TRDN: variants seen among roughly 807,000 people sequenced by gnomAD.
The protein encoded by TRDN is triadin.
TRDN carries 161 observed loss-of-function variants against 149.7 expected under a neutral mutation model. The ratio of observed to expected loss-of-function variants is 1.08; its 90% CI spans 0.95 to 1.23. The LOEUF is 1.23. Among genes scored for constraint, TRDN ranks in the 50% most tolerant of loss-of-function variants. TRDN has a pLI of 0.00. For synonymous variants in TRDN, 294 were observed against 250.5 expected (o/e 1.17, Z -1.64); for missense variants, 896 against 823.5 (o/e 1.09, Z -1.08).
intron 1 of TRDN, among the ~76,000 whole-genome samples, chr6:123,634,941 C>G (rs1028761394): frequency 6.6e-6 from 1 of 151,798 alleles, no homozygotes; most frequent in Non-Finnish European, 1.5e-5. Context: ...TTTAAACCCC[C>G]GCAGAGCAAA....
chr6:123,241,878 T>G (rs2114545979), intron 38 of TRDN, among the ~76,000 whole-genome samples: 1 of 152,060 alleles, frequency 6.6e-6, no homozygotes, highest in Non-Finnish European at 1.5e-5. Flanking sequence ...AAAAAAAAAT[T>G]ACAGGAAACA....
At chr6:123,272,785 T>TAA (rs1222403682) in intron 29 of TRDN, among the ~76,000 whole-genome samples, 179 bp downstream of exon 29, 4 of 151,868 alleles carry the variant, frequency 2.6e-5, no homozygotes, top group African/African-American at 4.8e-5. Context: ...TCTCACTGGT[T>TAA]AAGTTCTCAG....
intron 2 of TRDN, 24 bp from the exon 3 acceptor site, chr6:123,548,636 AAAAG>A: frequency 7.4e-6 from 10 of 1,346,210 alleles, no homozygotes; most frequent in Non-Finnish European, 9.6e-6. Context: ...AAAAAAAAAA[AAAAG>A]AAAAAGTTTG....
At chr6:123,473,034 C>T (rs146122911) in intron 9 of TRDN, among the ~76,000 whole-genome samples, 72,488 of 152,002 alleles carry the variant, frequency 0.48, 17,721 homozygotes, top group Admixed American at 0.53. Context: ...AAAACCAGAG[C>T]GCCTCTCCTC....
chr6:123,623,116 T>C (rs1236596955), intron 1 of TRDN, among the ~76,000 whole-genome samples: 2 of 152,082 alleles, frequency 1.3e-5, no homozygotes, highest in South Asian at 2.1e-4. Context: ...GAGGGAAGTA[T>C]GTCATTCCAT....
chr6:123,483,190 C>G (rs1307817116), intron 9 of TRDN, among the ~76,000 whole-genome samples: 1 of 151,332 alleles, frequency 6.6e-6, no homozygotes, highest in Non-Finnish European at 1.5e-5. Context: ...ACAAGCTCCG[C>G]CTCCCAGGTT....
chr6:123,625,066 C>CTTT (rs3064015), intron 1 of TRDN, among the ~76,000 whole-genome samples: 8 of 144,452 alleles, frequency 5.5e-5, no homozygotes, highest in African/African-American at 1.8e-4. Flanking sequence ...CTTCCTGTCT[C>CTTT]TTTTTTTTTT....
rs577920355 is a variant in TRDN at position 123,217,945 on chromosome 6, T to G, written c.*656A>C. 1 of 152,052 alleles carries G rather than the reference T, an allele frequency of 6.6e-6. No homozygotes were observed. Among genetic ancestry groups the G allele is most frequent in the South Asian group, 2.1e-4 (1 of 4,820 alleles). The allele number at this position is 152,052 out of a possible 1,614,324, so 9.4% of individuals were successfully genotyped here. On this transcript the variant is annotated 3_prime_UTR_variant, in exon 41 of 41. Coordinates refer to ENST00000334268, the MANE Select transcript of TRDN (RefSeq NM_006073.4). ...TCCTAATTATCATTCAAGACATATC[T>G]TAAAGATTTATCAAGCATTTACTCT... is the stretch of plus-strand genomic sequence containing the variant.
At chr6:123,382,839 C>T (rs902770814) in intron 14 of TRDN, among the ~76,000 whole-genome samples, 10 of 151,978 alleles carry the variant, frequency 6.6e-5, no homozygotes, top group Non-Finnish European at 1.3e-4. Flanking sequence ...AAACTTTCTG[C>T]TCCCACCACT....
chr6:123,487,844 T>C (rs1263033687), intron 9 of TRDN, among the ~76,000 whole-genome samples: 5 of 152,140 alleles, frequency 3.3e-5, no homozygotes, highest in African/African-American at 1.2e-4. Flanking sequence ...TCAAATATTA[T>C]CCATCTTTCA....
At chr6:123,407,041 T>C (rs1025537514) in intron 12 of TRDN, among the ~76,000 whole-genome samples, 3 of 151,280 alleles carry the variant, frequency 2.0e-5, no homozygotes, top group African/African-American at 7.3e-5. Context: ...GGGGGTGGGG[T>C]GGGGGAAATT....
chr6:123,373,098 A>G (rs1162370585), intron 19 of TRDN, among the ~76,000 whole-genome samples: 2 of 152,090 alleles, frequency 1.3e-5, no homozygotes, highest in Non-Finnish European at 2.9e-5. Context: ...ATTTTCTTGA[A>G]GCTCATGTTA....
At chr6:123,474,380 C>G (rs547948398) in intron 9 of TRDN, among the ~76,000 whole-genome samples, 21 of 152,084 alleles carry the variant, frequency 1.4e-4, no homozygotes, top group Non-Finnish European at 2.8e-4. Flanking sequence ...AGCTAACTAT[C>G]CTAAATATAT....
chr6:123,389,672 T>C (rs1213715342), intron 13 of TRDN, among the ~76,000 whole-genome samples: 1 of 152,214 alleles, frequency 6.6e-6, no homozygotes, highest in African/African-American at 2.4e-5. Context: ...CTAAATGTTA[T>C]TGACGTGCTA....
chr6:123,259,453 A>G (rs1185608260), intron 35 of TRDN, among the ~76,000 whole-genome samples, 171 bp downstream of exon 35: 9 of 152,094 alleles, frequency 5.9e-5, no homozygotes, highest in African/African-American at 1.7e-4. Context: ...TGCAATAACT[A>G]TATGTTTTGC....
At position 123,336,120 on chromosome 6, in the gene TRDN, A is replaced by AC. The variant is rs137898495; in HGVS notation, c.1420+1498_1420+1499insG. Among the ~76,000 whole-genome samples, 4 of 151,376 alleles carry AC rather than the reference A, an allele frequency of 2.6e-5. No individual in the cohort carries two copies. In the East Asian group the frequency reaches 7.8e-4, roughly 29 times the overall value. ...TGTCCAATGCATCTATGCCAAATAG[A>AC]TTTTTTTTTGTTTTTATAAGGTCTA... On this transcript the variant is annotated intron_variant, in intron 22 of 40. Coordinates refer to ENST00000334268, the MANE Select transcript of TRDN (RefSeq NM_006073.4).
chr6:123,253,530 G>T (rs747760466), intron 37 of TRDN, among the ~76,000 whole-genome samples: 77 of 152,144 alleles, frequency 5.1e-4, no homozygotes, highest in Non-Finnish European at 9.7e-4. Flanking sequence ...CTTTCACTAA[G>T]ACTAACATGT....
rs149813860 is a variant in TRDN at position 123,541,238 on chromosome 6, C to G, written c.424+6102G>C. 1.4e-3 allele frequency among the ~76,000 whole-genome samples: 212 copies of G among 152,266 alleles called. 1 individual carries two copies. The highest frequency in any genetic ancestry group is 4.6e-3 in the African/African-American group (193 of 41,560). On this transcript the variant is annotated intron_variant, in intron 4 of 40. Transcript: ENST00000334268. Reference sequence around the variant, plus strand: ...GTTGCCTCAGAGACTCTTTTAATTCCTTCTGATGTTGGCACCAAAACCTGA... The same window carrying G: ...GTTGCCTCAGAGACTCTTTTAATTCGTTCTGATGTTGGCACCAAAACCTGA...
intron 12 of TRDN, among the ~76,000 whole-genome samples, chr6:123,409,002 C>A (rs772287932): frequency 6.6e-6 from 1 of 152,232 alleles, no homozygotes; most frequent in East Asian, 1.9e-4. Context: ...TGAAATTCTG[C>A]AGTAGAGAAA....
Sources: gnomAD v4.1 joint callset for allele counts (sites outside exome capture counted in the v4.1 genomes callset) on GRCh38, gnomAD v4.1.1 for gene constraint, MANE v1.5 for transcripts, NCBI Gene and HGNC (gene_info 2026-07-23, HGNC 2026-07-21) for gene names.